Variants in GLIS3 observed in about 807,000 individuals in gnomAD.
The protein encoded by GLIS3 is GLIS family zinc finger 3, also known as zinc finger protein GLIS3.
In GLIS3, 53 loss-of-function variants were observed where a neutral mutation model predicts 78.6. The ratio of observed to expected loss-of-function variants is 0.67; its 90% CI spans 0.54 to 0.85. GLIS3 has a LOEUF of 0.85. Among genes scored for constraint, GLIS3 ranks in the 40% least tolerant of loss-of-function variants. The pLI is 0.00. For synonymous variants in GLIS3, 684 were observed against 509.9 expected (o/e 1.34, Z -4.60); for missense variants, 1,703 against 1,231.1 (o/e 1.38, Z -5.74).
chr9:4,437,420 G>GTATCTACC, the GLIS3 span, among the ~76,000 whole-genome samples: 1 of 126,928 alleles, frequency 7.9e-6, no homozygotes, highest in Non-Finnish European at 1.8e-5. Flanking sequence ...ATGTATGTAT[G>GTATCTACC]TATCTATCTA....
At chr9:4,269,003 A>G (rs185768324) in intron 2 of GLIS3, among the ~76,000 whole-genome samples, 1 of 152,310 alleles carries the variant, frequency 6.6e-6, no homozygotes, top group African/African-American at 2.4e-5. Flanking sequence ...TCTCTATGTT[A>G]AAAATAACCA....
At chr9:4,446,713 C>T in the GLIS3 span, among the ~76,000 whole-genome samples, 1 of 150,698 alleles carries the variant, frequency 6.6e-6, no homozygotes, top group African/African-American at 2.4e-5. Context: ...AGGGGTTTCA[C>T]CAAGTTGGCC....
the GLIS3 span, among the ~76,000 whole-genome samples, chr9:4,451,303 C>G: frequency 6.6e-6 from 1 of 152,132 alleles, no homozygotes; most frequent in Non-Finnish European, 1.5e-5. Context: ...AGCTAACTGT[C>G]CTAAATATAT....
intron 2 of GLIS3, among the ~76,000 whole-genome samples, chr9:4,150,564 C>G (rs1426728108): frequency 6.6e-6 from 1 of 152,212 alleles, no homozygotes; most frequent in Non-Finnish European, 1.5e-5. Context: ...CTCTTCCCAT[C>G]TGCAAATCAC....
chr9:3,859,386 C>G (rs943148683), intron 8 of GLIS3, among the ~76,000 whole-genome samples: 2 of 67,222 alleles, frequency 3.0e-5, no homozygotes, highest in African/African-American at 1.1e-4. Flanking sequence ...CACACACACA[C>G]ACACACACAC....
the GLIS3 span, among the ~76,000 whole-genome samples, chr9:4,484,903 C>G: frequency 0.5 from 76,594 of 151,822 alleles, 19,594 homozygotes; most frequent in East Asian, 0.71. Context: ...TAAATTATAA[C>G]CAACCATCGG....
chr9:4,354,906 G>A, the GLIS3 span, among the ~76,000 whole-genome samples: 1 of 152,110 alleles, frequency 6.6e-6, no homozygotes, highest in Non-Finnish European at 1.5e-5. Flanking sequence ...CACTAGGTCA[G>A]GAGATCGAGA....
chr9:4,029,074 T>C (rs1201072737), intron 4 of GLIS3, among the ~76,000 whole-genome samples: 2 of 152,188 alleles, frequency 1.3e-5, no homozygotes, highest in African/African-American at 4.8e-5. Context: ...GATCTAATTC[T>C]AAAAGTAGTT....
In GLIS3 at chr9:4,045,460, C is replaced by T. The variant is rs143614150; in HGVS notation, c.1710+72308G>A. Among the ~76,000 whole-genome samples the T allele has an allele frequency of 2.5e-3, 381 of 151,998 alleles. 12 individuals carry two copies. In the East Asian group the frequency reaches 0.059, roughly 24 times the overall value. On this transcript the variant is annotated intron_variant, in intron 4 of 10. Coordinates refer to ENST00000381971, the MANE Select transcript of GLIS3 (RefSeq NM_001042413.2). ...AAGCAATTCTCCTTCCTCAGCCTCC[C>T]GAGTAGCTGGGATTAGAGGCACACA...
At chr9:4,041,351 C>A (rs1171641244) in intron 4 of GLIS3, among the ~76,000 whole-genome samples, 1 of 152,200 alleles carries the variant, frequency 6.6e-6, no homozygotes, top group Non-Finnish European at 1.5e-5. Context: ...TCTGCTGAAA[C>A]GAACTATCTT....
chr9:4,414,975 T>G, the GLIS3 span, among the ~76,000 whole-genome samples: 1 of 152,238 alleles, frequency 6.6e-6, no homozygotes, highest in Non-Finnish European at 1.5e-5. Context: ...TTCTTGTATT[T>G]GGAATTGAGC....
the GLIS3 span, among the ~76,000 whole-genome samples, chr9:4,478,280 A>G: frequency 6.6e-6 from 1 of 152,256 alleles, no homozygotes; most frequent in East Asian, 1.9e-4. Flanking sequence ...TCTATCCAAA[A>G]CACATATAAA....
chr9:4,308,100 T>G (rs961548426), intron 4 of GLIS3, among the ~76,000 whole-genome samples: 1 of 152,154 alleles, frequency 6.6e-6, no homozygotes, highest in African/African-American at 2.4e-5. Flanking sequence ...ATCTGGGGCC[T>G]GGCCACGTGC....
intron 4 of GLIS3, among the ~76,000 whole-genome samples, chr9:3,971,200 C>T (rs1344429838): frequency 6.6e-6 from 1 of 151,896 alleles, no homozygotes; most frequent in African/African-American, 2.4e-5. Context: ...CCATGTCACC[C>T]ACCCCTCTCA....
intron 2 of GLIS3, among the ~76,000 whole-genome samples, chr9:4,240,201 G>C (rs1408045630): frequency 6.6e-6 from 1 of 151,704 alleles, no homozygotes. Context: ...GAGGTGGGGG[G>C]GGGGGATGGT....
chr9:3,872,156 A>G (rs1821010011), intron 8 of GLIS3, among the ~76,000 whole-genome samples: 1 of 152,136 alleles, frequency 6.6e-6, no homozygotes, highest in African/African-American at 2.4e-5. Flanking sequence ...CCTCATTTCC[A>G]TCTGAGACCA....
the GLIS3 span, among the ~76,000 whole-genome samples, chr9:4,374,456 ACTAATTATTGGCCAGTCT>A: frequency 3.3e-5 from 5 of 152,236 alleles, no homozygotes; most frequent in Non-Finnish European, 5.9e-5. Context: ...AGGATTTCCA[ACTAATTATTGGCCAGTCT>A]CTAAAAGAGC....
rs530440984 is a variant in GLIS3, at chr9:3,860,041, C to A, written c.2298-3857G>T. The stretch of plus-strand genomic sequence containing the variant: ...CTGTAATCCCAGCACTTTGGGAGGC[C>A]GAGGCGGGTGGATCACGACGTCAGG... On this transcript the variant is annotated intron_variant, in intron 8 of 10. Transcript: ENST00000381971. Among the ~76,000 whole-genome samples, 16 of 151,780 alleles carry A rather than the reference C, an allele frequency of 1.1e-4. No homozygotes were observed. In the South Asian group the frequency reaches 3.3e-3, roughly 32 times the overall value.
At chr9:4,252,100 A>C (rs1338739740) in intron 2 of GLIS3, among the ~76,000 whole-genome samples, 1 of 152,174 alleles carries the variant, frequency 6.6e-6, no homozygotes, top group South Asian at 2.1e-4. Context: ...TGCTCTTCTC[A>C]AGGAGTATCT....
Sources: allele counts gnomAD v4.1 joint callset (sites outside exome capture counted in the v4.1 genomes callset), GRCh38; gene constraint gnomAD v4.1.1; transcripts MANE v1.5; gene names NCBI Gene and HGNC (gene_info 2026-07-23, HGNC 2026-07-21).